The following MTUS1 variants were observed in gnomAD, a reference collection of about 807,000 sequenced individuals.
MTUS1 encodes the protein microtubule associated scaffold protein 1.
MTUS1 carries 109 observed loss-of-function variants against 120.8 expected under a neutral mutation model. That is an observed-to-expected ratio of 0.90 (90% CI 0.77 to 1.06). The LOEUF (loss-of-function observed/expected upper bound fraction) is 1.06. Among genes scored for constraint, MTUS1 ranks in the 50% least tolerant of loss-of-function variants. The pLI is 0.00. For missense variants in MTUS1, 2,210 were observed against 1,486.3 expected, an observed-to-expected ratio of 1.49 and a Z score of -8.01; for synonymous variants, 737 against 550.5, an observed-to-expected ratio of 1.34 and a Z score of -4.74.
chr8:17,654,312 A>G, intron 10 of MTUS1: 1 of 500,828 alleles, frequency 2.0e-6, no homozygotes. Context: ...CACCGCCAAA[A>G]TGGCCTTTAC....
At position 17,767,700 on chromosome 8, in the gene MTUS1, T is replaced by TAAGAA. The variant is rs1554533204; in HGVS notation, c.-154-11740_-154-11739insTTCTT. Among the ~76,000 whole-genome samples the TAAGAA allele has an allele frequency of 1.1e-3, 94 of 87,872 alleles. 5 individuals are homozygous for TAAGAA. Among genetic ancestry groups the TAAGAA allele is most frequent in the African/African-American group, 4.7e-3 (93 of 19,662 alleles). The allele number at this position is 87,872 out of a possible 152,430, so 57.6% of individuals were successfully genotyped here. A position where few individuals can be genotyped will look rare whatever the true frequency, so the allele number is the denominator to read the frequency against. ...GGTGATAGAGCAAGACCCTGTCTCT[T>TAAGAA]AAAAAAAAAAAAAAAAAACGGTGTG... On this transcript the variant is annotated intron_variant, in intron 1 of 14. Coordinates refer to ENST00000693296, the MANE Select transcript of MTUS1 (RefSeq NM_001363059.2).
intron 6 of MTUS1, among the ~76,000 whole-genome samples, chr8:17,685,237 C>T (rs546711826): frequency 6.6e-6 from 1 of 151,928 alleles, no homozygotes; most frequent in Non-Finnish European, 1.5e-5. Flanking sequence ...AAAGCACATG[C>T]TAACACTCCA....
At chr8:17,703,663 C>T (rs1164005421) in intron 6 of MTUS1, among the ~76,000 whole-genome samples, 1 of 151,540 alleles carries the variant, frequency 6.6e-6, no homozygotes, top group African/African-American at 2.4e-5. Context: ...AGAGATACGC[C>T]CTGGTCTCCT....
At chr8:17,750,400 A>G (rs550658937) in intron 2 of MTUS1, among the ~76,000 whole-genome samples, 1 of 152,366 alleles carries the variant, frequency 6.6e-6, no homozygotes, top group Non-Finnish European at 1.5e-5. Flanking sequence ...CTCCCAGAGA[A>G]AACCTTCTTT....
intron 8 of MTUS1, 58 bp from the exon 9 acceptor site, chr8:17,656,123 A>G: frequency 6.7e-7 from 1 of 1,491,450 alleles, no homozygotes; most frequent in Non-Finnish European, 9.3e-7. Flanking sequence ...AATGTCCTAT[A>G]TTCATTACAG....
chr8:17,761,596 A>C (rs1460905510), intron 1 of MTUS1, among the ~76,000 whole-genome samples: 1 of 152,166 alleles, frequency 6.6e-6, no homozygotes, highest in African/African-American at 2.4e-5. Context: ...TATTACCCAC[A>C]GTGTCTAGCT....
intron 8 of MTUS1, among the ~76,000 whole-genome samples, chr8:17,665,630 G>T (rs1235533695): frequency 2.0e-5 from 3 of 152,084 alleles, no homozygotes; most frequent in Non-Finnish European, 4.4e-5. Context: ...CAAAGTGCTG[G>T]AATTACTGGC....
At chr8:17,738,624 T>C (rs976222928) in intron 3 of MTUS1, among the ~76,000 whole-genome samples, 1 of 152,164 alleles carries the variant, frequency 6.6e-6, no homozygotes, top group African/African-American at 2.4e-5. Context: ...GTTACATAGG[T>C]AAACATGGGC....
chr8:17,718,014 T>C (rs1239889488), intron 4 of MTUS1, among the ~76,000 whole-genome samples: 1 of 152,274 alleles, frequency 6.6e-6, no homozygotes, highest in African/African-American at 2.4e-5. Flanking sequence ...TCAACGATTG[T>C]ACCTGCTTTC....
intron 8 of MTUS1, among the ~76,000 whole-genome samples, chr8:17,671,393 T>C (rs893306874): frequency 1.3e-5 from 2 of 152,096 alleles, no homozygotes; most frequent in Non-Finnish European, 2.9e-5. Context: ...CCTACAATTA[T>C]GGACTTTATA....
At chr8:17,678,035 T>C (rs1689078400) in intron 7 of MTUS1, among the ~76,000 whole-genome samples, 1 of 152,118 alleles carries the variant, frequency 6.6e-6, no homozygotes, top group Non-Finnish European at 1.5e-5. Flanking sequence ...GATGACCTCA[T>C]CGGATGGGAA....
intron 8 of MTUS1, among the ~76,000 whole-genome samples, chr8:17,659,766 T>C (rs985366305): frequency 3.9e-5 from 6 of 152,200 alleles, no homozygotes; most frequent in African/African-American, 1.4e-4. Flanking sequence ...TTTAGGTGTA[T>C]GATTCAGTGG....
intron 8 of MTUS1, among the ~76,000 whole-genome samples, chr8:17,661,346 A>G (rs1026018202): frequency 6.6e-6 from 1 of 152,210 alleles, no homozygotes; most frequent in Non-Finnish European, 1.5e-5. Flanking sequence ...AAGTTAAAAA[A>G]TAAAAAAGCA....
chr8:17,670,628 G>T (rs187705562), intron 8 of MTUS1, among the ~76,000 whole-genome samples: 3 of 152,214 alleles, frequency 2.0e-5, no homozygotes, highest in African/African-American at 7.2e-5. Flanking sequence ...TTAGAGACCA[G>T]CCTGACCAAT....
At chr8:17,712,557 T>G (rs1458864900) in intron 6 of MTUS1, among the ~76,000 whole-genome samples, 2 of 152,180 alleles carry the variant, frequency 1.3e-5, no homozygotes, top group African/African-American at 4.8e-5. Context: ...CAGGCTGGTC[T>G]TGAACTCCTG....
At chr8:17,747,253 T>C (rs1443736571) in intron 2 of MTUS1, among the ~76,000 whole-genome samples, 1 of 152,126 alleles carries the variant, frequency 6.6e-6, no homozygotes, top group Non-Finnish European at 1.5e-5. Context: ...TCCCCTAAAT[T>C]AGAAAATCTT....
At chr8:17,680,464 CAAAAAAAAAA>C (rs58490523) in intron 7 of MTUS1, among the ~76,000 whole-genome samples, 6 of 24,320 alleles carry the variant, frequency 2.5e-4, no homozygotes, top group African/African-American at 5.8e-4. Context: ...GCCACTGTCG[CAAAAAAAAAA>C]AAAAAAAAAA....
At position 17,724,242 on chromosome 8, in the gene MTUS1, C is replaced by G. The variant is rs6993902; in HGVS notation, c.2288-409G>C. The G allele has an allele frequency of 1.3e-3, 437 of 339,946 alleles. 3 individuals are homozygous for G. Among genetic ancestry groups the G allele is most frequent in the African/African-American group, 9.1e-3 (407 of 44,578 alleles). The allele number at this position is 339,946 out of a possible 1,614,324, so 21.1% of individuals were successfully genotyped here. ...AAAAATAATCCATTAGGACAATAGG[C>G]TATCATATAAGAAATAAATAAGAAC... On this transcript the variant is annotated intron_variant, in intron 3 of 14. Transcript: ENST00000693296.
At chr8:17,665,132 C>T (rs1295821379) in intron 8 of MTUS1, among the ~76,000 whole-genome samples, 4 of 152,154 alleles carry the variant, frequency 2.6e-5, no homozygotes, top group Admixed American at 2.0e-4. Context: ...CAGGGTTTGC[C>T]TCTCTAAAGA....
Sources: gnomAD v4.1 joint callset for allele counts (sites outside exome capture counted in the v4.1 genomes callset) on GRCh38, gnomAD v4.1.1 for gene constraint, MANE v1.5 for transcripts, NCBI Gene and HGNC (gene_info 2026-07-23, HGNC 2026-07-21) for gene names.